Variants in GRID1 observed in about 807,000 individuals in gnomAD.
GRID1 encodes the protein glutamate ionotropic receptor delta type subunit 1, also known as glutamate receptor ionotropic, delta-1.
Under a neutral mutation model 98.0 loss-of-function variants are expected in GRID1, and 28 were observed. The observed-to-expected ratio is 0.29, with a 90% CI of 0.21 to 0.39. GRID1 has a LOEUF of 0.39. Ranked by LOEUF, GRID1 falls within the 10% of genes least tolerant of loss-of-function variation. The pLI is 1.00. For missense variants in GRID1, 1,111 were observed against 1,340.5 expected (o/e 0.83, Z 2.67); for synonymous variants, 553 against 538.5 (o/e 1.03, Z -0.37).
rs2132521842 is a variant in GRID1 at position 85,619,959 on chromosome 10, G to A, written c.2268C>T (p.Cys756=). ...TGCTGTTGCCGATGACAGTCACCGA[G>A]CAGTCGTCATCCGTCAGGGCTGCGT... ...VEYAALTDDD[C]SVTVIGNSIS... Residue 756 remains cysteine, a synonymous_variant, in exon 14 of 16, where the codon TGC becomes TGT. Transcript: ENST00000327946. 1.2e-6 allele frequency: 2 copies of A among 1,614,022 alleles called. No homozygotes were observed. The highest frequency in any genetic ancestry group is 1.7e-6 in the Non-Finnish European group (2 of 1,179,880).
At position 86,364,025 on chromosome 10, in the gene GRID1, T is replaced by G; in HGVS notation, c.151A>C (p.Asn51His). 6.2e-7 allele frequency: 1 copy of G among 1,613,962 alleles called. No individual in the cohort carries two copies. The highest frequency in any genetic ancestry group is 8.5e-7 in the Non-Finnish European group (1 of 1,179,796). The change falls in exon 2 of 16, where the codon AAC becomes CAC. Residue 51 changes from asparagine to histidine, a missense_variant. Asn to His is a moderately conservative substitution (Grantham distance 68, BLOSUM62 1). Coordinates refer to ENST00000327946, the MANE Select transcript of GRID1 (RefSeq NM_017551.3). ...FQLAVSDLSL[N>H]DDILQSEKIT... ...TTCTCGCTCTGCAGGATGTCATCGT[T>G]GAGGCTCAGGTCGGATACCGCCAAC... is the stretch of plus-strand genomic sequence containing the variant.
chr10:86,138,568 G>A (rs191336643), intron 4 of GRID1, among the ~76,000 whole-genome samples: 302 of 152,302 alleles, frequency 2.0e-3, no homozygotes, highest in African/African-American at 6.3e-3. Context: ...TTGTAAACAG[G>A]CTTCCACCAG....
chr10:86,231,765 T>G (rs2132036307), intron 2 of GRID1, among the ~76,000 whole-genome samples: 1 of 152,346 alleles, frequency 6.6e-6, no homozygotes, highest in East Asian at 1.9e-4. Flanking sequence ...GCACCTAGTC[T>G]GTGCCTCCTA....
chr10:86,255,141 G>A (rs1478596026), intron 2 of GRID1, among the ~76,000 whole-genome samples: 1 of 152,216 alleles, frequency 6.6e-6, no homozygotes, highest in Non-Finnish European at 1.5e-5. Flanking sequence ...ACTCCCTGGG[G>A]AATCACAAGT....
chr10:85,981,007 C>T (rs766445916), intron 4 of GRID1, among the ~76,000 whole-genome samples: 5 of 152,164 alleles, frequency 3.3e-5, no homozygotes, highest in African/African-American at 7.2e-5. Flanking sequence ...CCAGGTGAGC[C>T]GTAGCTTGGA....
At chr10:85,649,832 CCA>C (rs756840879) in intron 12 of GRID1, among the ~76,000 whole-genome samples, 4 of 152,100 alleles carry the variant, frequency 2.6e-5, no homozygotes, top group Non-Finnish European at 2.9e-5. Flanking sequence ...CTCACTGTTC[CCA>C]CCCCAAAATG....
At chr10:86,236,547 G>C (rs1480101921) in intron 2 of GRID1, among the ~76,000 whole-genome samples, 6 of 152,170 alleles carry the variant, frequency 3.9e-5, no homozygotes, top group Non-Finnish European at 2.9e-5. Flanking sequence ...ATACAGATGA[G>C]GACCCAGGAC....
chr10:85,657,995 C>G (rs1004067283), intron 12 of GRID1, among the ~76,000 whole-genome samples: 1 of 152,200 alleles, frequency 6.6e-6, no homozygotes, highest in Non-Finnish European at 1.5e-5. Flanking sequence ...CAAATCAAGA[C>G]AAAAGCAGGA....
intron 4 of GRID1, among the ~76,000 whole-genome samples, chr10:85,974,158 C>T (rs1257505102): frequency 6.6e-6 from 1 of 152,160 alleles, no homozygotes; most frequent in African/African-American, 2.4e-5. Flanking sequence ...GCCAGCATGC[C>T]ATTGGCCAAA....
At chr10:86,037,275 T>C (rs1266546238) in intron 4 of GRID1, among the ~76,000 whole-genome samples, 1 of 152,046 alleles carries the variant, frequency 6.6e-6, no homozygotes, top group Non-Finnish European at 1.5e-5. Context: ...TTACTTGAGG[T>C]GGTATGAAAT....
chr10:85,785,307 A>G (rs1429084887), intron 8 of GRID1, among the ~76,000 whole-genome samples: 2 of 152,244 alleles, frequency 1.3e-5, no homozygotes, highest in African/African-American at 4.8e-5. Flanking sequence ...CCTGTGTTAG[A>G]AGCTCCTTTA....
intron 12 of GRID1, among the ~76,000 whole-genome samples, chr10:85,710,539 G>C (rs969354434): frequency 6.6e-6 from 1 of 152,034 alleles, no homozygotes; most frequent in East Asian, 1.9e-4. Context: ...ATAGAGGAAA[G>C]CTTTATGACG....
At chr10:85,684,247 C>T (rs973469164) in intron 12 of GRID1, among the ~76,000 whole-genome samples, 3 of 151,950 alleles carry the variant, frequency 2.0e-5, no homozygotes, top group African/African-American at 7.3e-5. Flanking sequence ...ATATACATGC[C>T]CCTAAAACAA....
rs370285045 is a variant in GRID1, at chr10:85,728,004, G to A, written c.1384C>T (p.Arg462Cys). 9.9e-6 allele frequency: 16 copies of A among 1,613,628 alleles called. No individual in the cohort carries two copies. Among genetic ancestry groups the A allele is most frequent in the Middle Eastern group, 1.6e-4 (1 of 6,082 alleles). Residue 462 changes from arginine (R) to cysteine (C), a missense_variant, in exon 10 of 16, where the codon CGC (arginine) becomes TGC (cysteine). By Grantham distance (180) the Arg-to-Cys change is radical. Coordinates refer to ENST00000327946, the MANE Select transcript of GRID1 (RefSeq NM_017551.3). ...VAENILGQPK[R>C]YKGFSIDVLD... ...ACATCTATGGAGAACCCTTTGTAGC[G>A]CTTGGGCTGTCCTAGGATGTTCTCA...
chr10:85,775,117 A>G (rs1192216998), intron 8 of GRID1, among the ~76,000 whole-genome samples: 2 of 152,206 alleles, frequency 1.3e-5, no homozygotes, highest in African/African-American at 4.8e-5. Flanking sequence ...AAAATGTGGC[A>G]CATATACACC....
Position 85,976,214 on chromosome 10 carries a change from A to G in GRID1, c.727-59975T>C, listed in dbSNP as rs76703950. Among the ~76,000 whole-genome samples the G allele has an allele frequency of 7.4e-3, 1,124 of 152,352 alleles. 24 individuals carry two copies. The highest frequency in any genetic ancestry group is 0.053 in the East Asian group (276 of 5,186). On this transcript the variant is annotated intron_variant, in intron 4 of 15. Coordinates refer to ENST00000327946, the MANE Select transcript of GRID1 (RefSeq NM_017551.3). ...TTGTTCTGTTTTCAAATAACAACAA[A>G]ATGACCAGAGATCAAACTGTGATCA...
intron 4 of GRID1, among the ~76,000 whole-genome samples, chr10:86,001,778 C>T (rs1218684510): frequency 1.3e-5 from 2 of 152,060 alleles, no homozygotes; most frequent in African/African-American, 4.8e-5. Context: ...GCTATGGCTG[C>T]TCTAACAAAG....
At chr10:85,756,136 C>T (rs924218233) in intron 8 of GRID1, among the ~76,000 whole-genome samples, 3 of 152,154 alleles carry the variant, frequency 2.0e-5, no homozygotes, top group African/African-American at 4.8e-5. Context: ...AACTGGAACA[C>T]GTTTCTGTTC....
chr10:85,812,320 G>C (rs929988888), intron 8 of GRID1, among the ~76,000 whole-genome samples: 20 of 152,088 alleles, frequency 1.3e-4, no homozygotes, highest in Non-Finnish European at 2.9e-4. Context: ...ACCTTACTAT[G>C]ACATGAGAAT....
Sources: gnomAD v4.1 joint callset for allele counts (sites outside exome capture counted in the v4.1 genomes callset) on GRCh38, gnomAD v4.1.1 for gene constraint, MANE v1.5 for transcripts, NCBI Gene and HGNC (gene_info 2026-07-23, HGNC 2026-07-21) for gene names.